Variants in STXBP6 observed in about 807,000 individuals in gnomAD.
The protein encoded by STXBP6 is syntaxin binding protein 6, also known as syntaxin-binding protein 6.
In STXBP6, 21 loss-of-function variants were observed where a neutral mutation model predicts 26.9. The observed-to-expected ratio is 0.78, with a 90% CI of 0.55 to 1.12. The LOEUF is 1.12. Among genes scored for constraint, STXBP6 ranks in the 50% most tolerant of loss-of-function variants. The probability of loss-of-function intolerance (pLI) is 0.00; values close to 1 mark genes in which losing one functional copy is unlikely to be tolerated. For synonymous variants in STXBP6, 97 were observed against 92.6 expected (o/e 1.05, Z -0.27); for missense variants, 232 against 257.9 (o/e 0.90, Z 0.69).
At chr14:24,856,900 C>G in intron 3 of STXBP6, 127 bp downstream of exon 3, 1 of 1,199,018 alleles carries the variant, frequency 8.3e-7, no homozygotes. Context: ...AAGTTTTAAT[C>G]ACATAATTGA....
At chr14:24,901,880 A>T (rs1370091437) in intron 2 of STXBP6, among the ~76,000 whole-genome samples, 1 of 152,146 alleles carries the variant, frequency 6.6e-6, no homozygotes, top group African/African-American at 2.4e-5. Flanking sequence ...AAAGGGGAAT[A>T]AAAGAGGTTC....
chr14:24,950,351 GTA>G (rs1324833986), intron 2 of STXBP6, among the ~76,000 whole-genome samples: 2 of 152,176 alleles, frequency 1.3e-5, no homozygotes, highest in East Asian at 3.9e-4. Flanking sequence ...ACAGAAATAT[GTA>G]ATTATATTTA....
intron 2 of STXBP6, among the ~76,000 whole-genome samples, chr14:24,863,713 G>A (rs2069623209): frequency 6.6e-6 from 1 of 152,054 alleles, no homozygotes; most frequent in South Asian, 2.1e-4. Flanking sequence ...CTGAAAATAT[G>A]ATTTCAGGGA....
chr14:24,999,227 AC>A (rs948291693), intron 1 of STXBP6, among the ~76,000 whole-genome samples: 1 of 151,948 alleles, frequency 6.6e-6, no homozygotes, highest in African/African-American at 2.4e-5. Context: ...CCAAAAAACC[AC>A]CCTTAGGCGT....
At chr14:24,923,251 T>C (rs1031738702) in intron 2 of STXBP6, among the ~76,000 whole-genome samples, 1 of 152,160 alleles carries the variant, frequency 6.6e-6, no homozygotes, top group Non-Finnish European at 1.5e-5. Flanking sequence ...GCATAGGAAA[T>C]ATATCCTCCT....
chr14:24,891,751 C>G (rs893004611), intron 2 of STXBP6, among the ~76,000 whole-genome samples: 4 of 152,094 alleles, frequency 2.6e-5, no homozygotes, highest in Non-Finnish European at 5.9e-5. Context: ...TCTCCCACAC[C>G]AAACTAAAAG....
chr14:24,972,950 T>G (rs2073942751), intron 2 of STXBP6, among the ~76,000 whole-genome samples: 1 of 151,986 alleles, frequency 6.6e-6, no homozygotes, highest in Admixed American at 6.6e-5. Flanking sequence ...GAACTCATCT[T>G]TACAAAAAAA....
chr14:24,987,198 A>C (rs142434587), intron 1 of STXBP6, among the ~76,000 whole-genome samples: 300 of 152,330 alleles, frequency 2.0e-3, no homozygotes, highest in African/African-American at 6.2e-3. Context: ...TCACCATCCA[A>C]AAGCTGGGGG....
At chr14:24,933,600 C>A (rs552305664) in intron 2 of STXBP6, among the ~76,000 whole-genome samples, 10 of 151,260 alleles carry the variant, frequency 6.6e-5, no homozygotes, top group African/African-American at 2.4e-4. Flanking sequence ...TTTTATTTAA[C>A]TTTTTTTTTG....
intron 2 of STXBP6, among the ~76,000 whole-genome samples, chr14:24,969,127 T>A (rs992212926): frequency 6.6e-6 from 1 of 152,208 alleles, no homozygotes; most frequent in African/African-American, 2.4e-5. Context: ...AATTATTTCA[T>A]CAAAAAGCAT....
intron 2 of STXBP6, among the ~76,000 whole-genome samples, chr14:24,911,516 A>G (rs1171825236): frequency 5.9e-5 from 9 of 152,014 alleles, no homozygotes; most frequent in Admixed American, 5.9e-4. Flanking sequence ...AAAGAAAGAA[A>G]CCAAGCAGGA....
chr14:25,026,546 A>C (rs2075353368), intron 1 of STXBP6, among the ~76,000 whole-genome samples: 1 of 152,224 alleles, frequency 6.6e-6, no homozygotes, highest in South Asian at 2.1e-4. Context: ...GAAGAACATA[A>C]ATAGACTCAC....
chr14:24,829,931 T>A (rs2068408053), intron 4 of STXBP6, among the ~76,000 whole-genome samples: 1 of 152,166 alleles, frequency 6.6e-6, no homozygotes, highest in Admixed American at 6.6e-5. Flanking sequence ...TTTTCCAGGT[T>A]GTTAACAAAC....
At chr14:24,813,370 C>T (rs974529205) in intron 5 of STXBP6, among the ~76,000 whole-genome samples, 26 of 152,118 alleles carry the variant, frequency 1.7e-4, no homozygotes, top group African/African-American at 6.0e-4. Flanking sequence ...CAATATCAGT[C>T]AATATTTTCC....
intron 2 of STXBP6, among the ~76,000 whole-genome samples, chr14:24,864,167 T>A (rs752877244): frequency 2.0e-5 from 3 of 152,084 alleles, no homozygotes; most frequent in Admixed American, 1.3e-4. Context: ...TTACAGAGTA[T>A]CAAAAAACAA....
intron 4 of STXBP6, among the ~76,000 whole-genome samples, chr14:24,844,497 G>A (rs956030370): frequency 2.0e-5 from 3 of 152,144 alleles, no homozygotes; most frequent in Non-Finnish European, 2.9e-5. Context: ...AACCAGCAGG[G>A]TCTGCACTAA....
intron 4 of STXBP6, among the ~76,000 whole-genome samples, chr14:24,821,920 G>C (rs969099997): frequency 1.3e-5 from 2 of 151,734 alleles, no homozygotes; most frequent in African/African-American, 4.8e-5. Context: ...CTTCTATCTG[G>C]GATCCTCTTG....
intron 1 of STXBP6, among the ~76,000 whole-genome samples, chr14:25,037,241 G>C (rs1396756235): frequency 6.6e-6 from 1 of 152,162 alleles, no homozygotes; most frequent in Admixed American, 6.5e-5. Context: ...GGCCCGGAGA[G>C]CTCCTGGGAC....
chr14:24,926,252 G>T (rs751917086), intron 2 of STXBP6, among the ~76,000 whole-genome samples: 7 of 152,166 alleles, frequency 4.6e-5, no homozygotes, highest in Admixed American at 6.5e-5. Flanking sequence ...AAAGGGAGCA[G>T]AACGCTAGGG....
Sources: allele counts gnomAD v4.1 joint callset (sites outside exome capture counted in the v4.1 genomes callset), GRCh38; gene constraint gnomAD v4.1.1; transcripts MANE v1.5; gene names NCBI Gene and HGNC (gene_info 2026-07-23, HGNC 2026-07-21).